Variants in SGSM1 observed in about 807,000 individuals in gnomAD.
The protein encoded by SGSM1 is RUN and TBC1 domain containing 2.
A neutral mutation model predicts 133.8 loss-of-function variants in SGSM1; 73 were observed. The observed-to-expected ratio is 0.55, with a 90% confidence interval of 0.45 to 0.66. The LOEUF (loss-of-function observed/expected upper bound fraction) is 0.66. Among genes scored for constraint, SGSM1 ranks in the 30% least tolerant of loss-of-function variants. The probability of loss-of-function intolerance (pLI) is 0.00; values close to 1 mark genes in which losing one functional copy is unlikely to be tolerated. For missense variants in SGSM1, 1,213 were observed against 1,448.1 expected, an observed-to-expected ratio of 0.84 and a Z score of 2.64; for synonymous variants, 563 against 573.0, an observed-to-expected ratio of 0.98 and a Z score of 0.25.
At chr22:24,835,000 A>G (rs1227997971) in intron 2 of SGSM1, among the ~76,000 whole-genome samples, 3 of 152,058 alleles carry the variant, frequency 2.0e-5, no homozygotes, top group South Asian at 2.1e-4. Flanking sequence ...CTCACTCAAG[A>G]CATACGTTAT....
rs574702401 is a variant in SGSM1 at position 24,833,510 on chromosome 22, C to T, written c.64-11387C>T. ...CCATCTCTACTAAAAATACAAAAAT[C>T]AGCTGGGCGTGGTGGCCAGTGCCTG... On this transcript the variant is annotated intron_variant, in intron 2 of 24. Transcript: ENST00000400358. 6.6e-5 allele frequency among the ~76,000 whole-genome samples: 10 copies of T among 151,842 alleles called. No individual in the cohort carries two copies. In the South Asian group the frequency reaches 2.1e-3, roughly 32 times the overall value.
intron 10 of SGSM1, among the ~76,000 whole-genome samples, 190 bp downstream of exon 10, chr22:24,867,350 C>G (rs1263798338): frequency 6.6e-6 from 1 of 152,232 alleles, no homozygotes; most frequent in Non-Finnish European, 1.5e-5. Flanking sequence ...GGAATTATAA[C>G]AGGACCCTCT....
intron 17 of SGSM1, among the ~76,000 whole-genome samples, chr22:24,894,545 A>T (rs1360515469): frequency 2.6e-5 from 4 of 152,168 alleles, no homozygotes; most frequent in African/African-American, 9.7e-5. Context: ...TTCTGTTCTT[A>T]ACTGGGCTAG....
intron 23 of SGSM1, 72 bp from the exon 24 acceptor site, chr22:24,919,742 CCACCTTGGGGGG>C: frequency 5.2e-6 from 8 of 1,546,102 alleles, no homozygotes; most frequent in Non-Finnish European, 7.1e-6. Flanking sequence ...CGGGATTTTC[CCACCTTGGGGGG>C]CTTCCCAAGG....
intron 12 of SGSM1, among the ~76,000 whole-genome samples, chr22:24,870,131 C>T (rs1179985197): frequency 2.6e-5 from 4 of 152,222 alleles, no homozygotes; most frequent in East Asian, 1.9e-4. Flanking sequence ...ACCCCTTAAG[C>T]GCTACAGTGT....
rs577839754 is a variant in SGSM1, at chr22:24,837,330, C to T, written c.64-7567C>T. 6.1e-3 allele frequency among the ~76,000 whole-genome samples: 930 copies of T among 152,334 alleles called. 17 individuals carry two copies. The highest frequency in any genetic ancestry group is 0.021 in the African/African-American group (869 of 41,570). Reference sequence around the variant, plus strand: ...AGAGAGGAGACAGAGAGAAAGACAGCTTATGCCATTATTTCTGCATATCAG... The same window carrying T: ...AGAGAGGAGACAGAGAGAAAGACAGTTTATGCCATTATTTCTGCATATCAG... On this transcript the variant is annotated intron_variant, in intron 2 of 24. Coordinates refer to ENST00000400358, the MANE Select transcript of SGSM1 (RefSeq NM_001098497.3).
intron 16 of SGSM1, among the ~76,000 whole-genome samples, chr22:24,890,160 G>A (rs1425421368): frequency 6.6e-6 from 1 of 152,044 alleles, no homozygotes; most frequent in Middle Eastern, 3.4e-3. Context: ...GTTTTACCGT[G>A]TTAGATAGGA....
chr22:24,883,528 G>T (rs1249900881), intron 14 of SGSM1, among the ~76,000 whole-genome samples: 1 of 152,160 alleles, frequency 6.6e-6, no homozygotes, highest in African/African-American at 2.4e-5. Context: ...CCTGACTGAG[G>T]CTGAGAAAGG....
At chr22:24,887,633 A>C (rs558789299) in intron 16 of SGSM1, among the ~76,000 whole-genome samples, 8 of 152,304 alleles carry the variant, frequency 5.3e-5, no homozygotes, top group African/African-American at 1.7e-4. Context: ...TAGTAGTCGC[A>C]TGTTCAGTTT....
Position 24,873,652 on chromosome 22 carries a change from A to G in SGSM1, c.1292-2925A>G, listed in dbSNP as rs12169997. ...GATGGCTTGAGCCCAGGAATTCGAG[A>G]TCAGCCTGGGCAACATGGCAAAACC... On this transcript the variant is annotated intron_variant, in intron 12 of 24. Coordinates refer to ENST00000400358, the MANE Select transcript of SGSM1 (RefSeq NM_001098497.3). Among the ~76,000 whole-genome samples, 638 of 152,226 alleles carry G rather than the reference A, an allele frequency of 4.2e-3. 6 individuals are homozygous for G. The highest frequency in any genetic ancestry group is 0.014 in the African/African-American group (594 of 41,528).
chr22:24,822,447 A>G (rs1928540454), intron 2 of SGSM1, among the ~76,000 whole-genome samples: 1 of 152,008 alleles, frequency 6.6e-6, no homozygotes, highest in Admixed American at 6.6e-5. Context: ...ACATCTCCAT[A>G]GTTTTGCCTC....
chr22:24,899,880 G>A (rs1023680723), intron 19 of SGSM1, among the ~76,000 whole-genome samples: 3 of 151,966 alleles, frequency 2.0e-5, no homozygotes, highest in African/African-American at 4.8e-5. Flanking sequence ...TGTTTGTTCA[G>A]ATCTCCTTTC....
At chr22:24,878,454 C>T (rs952124732) in intron 13 of SGSM1, among the ~76,000 whole-genome samples, 1 of 152,158 alleles carries the variant, frequency 6.6e-6, no homozygotes, top group African/African-American at 2.4e-5. Context: ...CCTGAGGGCA[C>T]AAAGGGGAAC....
intron 21 of SGSM1, among the ~76,000 whole-genome samples, chr22:24,909,691 G>A: frequency 6.6e-6 from 1 of 152,014 alleles, no homozygotes; most frequent in Non-Finnish European, 1.5e-5. Context: ...CCTGACCTCA[G>A]GTGATCCACC....
Position 24,876,641 on chromosome 22 carries a change from G to C in SGSM1, c.1356G>C (p.Arg452=), listed in dbSNP as rs1014083767. ...NLPSLWQPSP[R]KSSCSSCSQS... ...CATCCCTGTGGCAGCCCAGTCCCCGGAAGTCCTCCTGTTCATCCTGTTCAC... is the reference window on the plus strand; with the variant it reads ...CATCCCTGTGGCAGCCCAGTCCCCGCAAGTCCTCCTGTTCATCCTGTTCAC... Residue 452 remains arginine, a synonymous_variant, in exon 13 of 25, where the codon CGG becomes CGC. Coordinates refer to ENST00000400358, the MANE Select transcript of SGSM1 (RefSeq NM_001098497.3). The C allele has an allele frequency of 3.1e-6, 5 of 1,613,874 alleles. No homozygotes were observed. The highest frequency in any genetic ancestry group is 4.2e-6 in the Non-Finnish European group (5 of 1,179,908).
At chr22:24,906,138 A>G (rs934838562) in intron 21 of SGSM1, among the ~76,000 whole-genome samples, 4 of 152,348 alleles carry the variant, frequency 2.6e-5, no homozygotes, top group Admixed American at 2.6e-4. Context: ...TTAATTCACT[A>G]CATTACTAAA....
At chr22:24,820,172 C>T (rs576205430) in intron 2 of SGSM1, among the ~76,000 whole-genome samples, 1 of 152,286 alleles carries the variant, frequency 6.6e-6, no homozygotes, top group African/African-American at 2.4e-5. Context: ...CTCTCCTGTG[C>T]ATGGGCGTGG....
In SGSM1 at chr22:24,887,107, T is replaced by TTGTGTG. The variant is rs60431385; in HGVS notation, c.1770+405_1770+410dup. The stretch of plus-strand genomic sequence containing the variant: ...CTTTCCCAGTTTTACTTGTACTTAT[T>TTGTGTG]TGTGTGTGTGTGTGTGTGTGTGTGT... On this transcript the variant is annotated intron_variant, in intron 16 of 24. Coordinates refer to ENST00000400358, the MANE Select transcript of SGSM1 (RefSeq NM_001098497.3). 9.5e-3 allele frequency among the ~76,000 whole-genome samples: 1,385 copies of TTGTGTG among 145,286 alleles called. 7 individuals carry two copies. The highest frequency in any genetic ancestry group is 0.013 in the African/African-American group (512 of 39,694).
At position 24,905,169 on chromosome 22, in the gene SGSM1, C is replaced by T; in HGVS notation, c.2800C>T (p.Leu934=). Residue 934 remains leucine, a synonymous_variant, in exon 21 of 25, where the codon CTG becomes TTG. Transcript: ENST00000400358. ...QGMCDLLAPL[L]VILDDEALAF... ...CATGTGTGATCTTCTGGCTCCACTG[C>T]TGGTCATTCTGGATGATGGTGAGTG... is the stretch of plus-strand genomic sequence containing the variant. 6.2e-7 allele frequency: 1 copy of T among 1,613,986 alleles called. No individual in the cohort carries two copies. The highest frequency in any genetic ancestry group is 1.1e-5 in the South Asian group (1 of 91,084).
Sources: gnomAD v4.1 joint callset for allele counts (sites outside exome capture counted in the v4.1 genomes callset) on GRCh38, gnomAD v4.1.1 for gene constraint, MANE v1.5 for transcripts, NCBI Gene and HGNC (gene_info 2026-07-23, HGNC 2026-07-21) for gene names.